TFPI: variants seen among roughly 807,000 people sequenced by gnomAD.
TFPI encodes the protein tissue factor pathway inhibitor.
A neutral mutation model predicts 34.6 loss-of-function variants in TFPI; 15 were observed. The ratio of observed to expected loss-of-function variants is 0.43; its 90% CI spans 0.29 to 0.67. The LOEUF (loss-of-function observed/expected upper bound fraction) is 0.67, where lower values mean the gene tolerates loss of function less well. Among genes scored for constraint, TFPI ranks in the 30% least tolerant of loss-of-function variants. TFPI has a pLI of 0.15. For missense variants in TFPI, 301 were observed against 364.0 expected (o/e 0.83, Z 1.41); for synonymous variants, 105 against 120.1 (o/e 0.87, Z 0.82).
chr2:187,466,915 T>A lies in TFPI; in HGVS notation c.*21A>T. Reference sequence around the variant, plus strand: ...CATATAAAATATTTAGTAGAATTAATGTTACATTGCTATAACAAATTCACA... The same window carrying A: ...CATATAAAATATTTAGTAGAATTAAAGTTACATTGCTATAACAAATTCACA... On this transcript the variant is annotated 3_prime_UTR_variant, in exon 8 of 8. Coordinates refer to ENST00000233156, the MANE Select transcript of TFPI (RefSeq NM_006287.6). 7.9e-7 allele frequency: 1 copy of A among 1,260,196 alleles called. No individual in the cohort carries two copies. The highest frequency in any genetic ancestry group is 1.1e-6 in the Non-Finnish European group (1 of 884,156). The allele number at this position is 1,260,196 out of a possible 1,614,324, so 78.1% of individuals were successfully genotyped here. A position where few individuals can be genotyped will look rare whatever the true frequency, so the allele number is the denominator to read the frequency against.
chr2:187,478,021 T>C (rs906385461), intron 6 of TFPI, among the ~76,000 whole-genome samples: 1 of 152,148 alleles, frequency 6.6e-6, no homozygotes, highest in Non-Finnish European at 1.5e-5. Context: ...GCAGTAGCTT[T>C]TTAAGTCTAC....
At chr2:187,483,638 A>G (rs879831482) in intron 6 of TFPI, among the ~76,000 whole-genome samples, 1 of 152,028 alleles carries the variant, frequency 6.6e-6, no homozygotes, top group South Asian at 2.1e-4. Context: ...GCAGAATTCA[A>G]AAGAAAATTC....
At chr2:187,503,312 A>C (rs1465638846) in intron 2 of TFPI, among the ~76,000 whole-genome samples, 1 of 152,086 alleles carries the variant, frequency 6.6e-6, no homozygotes, top group African/African-American at 2.4e-5. Flanking sequence ...GGTAGCATCA[A>C]ATGTCATAGG....
intron 1 of TFPI, among the ~76,000 whole-genome samples, chr2:187,510,240 C>A (rs947393171): frequency 2.6e-5 from 4 of 152,232 alleles, no homozygotes; most frequent in African/African-American, 7.2e-5. Context: ...CTATAACTTA[C>A]ATCTGTTCTG....
At chr2:187,489,402 AT>A (rs766118941) in intron 3 of TFPI, among the ~76,000 whole-genome samples, 7 of 140,208 alleles carry the variant, frequency 5.0e-5, no homozygotes, top group Non-Finnish European at 7.9e-5. Flanking sequence ...GTGTGTGTAT[AT>A]GTATAGCTGT....
intron 1 of TFPI, chr2:187,526,773 A>ATT (rs1687700815): frequency 1.3e-5 from 2 of 152,136 alleles, no homozygotes. Flanking sequence ...TTAATCTCTA[A>ATT]GCTCAATGAG....
chr2:187,516,530 A>C (rs1687014505), intron 1 of TFPI: 1 of 152,180 alleles, frequency 6.6e-6, no homozygotes, highest in African/African-American at 2.4e-5. Flanking sequence ...ATGAATCACT[A>C]TTGATCTGTC....
intron 1 of TFPI, chr2:187,527,001 C>T (rs1231443515): frequency 1.3e-5 from 2 of 152,342 alleles, no homozygotes; most frequent in South Asian, 2.1e-4. Flanking sequence ...GGGGCCTACC[C>T]TTCTGTCCAC....
intron 1 of TFPI, among the ~76,000 whole-genome samples, chr2:187,538,501 T>G (rs1227434935): frequency 6.6e-6 from 1 of 152,076 alleles, no homozygotes; most frequent in Non-Finnish European, 1.5e-5. Flanking sequence ...AACCAAACAC[T>G]GCATGTTCTC....
chr2:187,525,351 T>G (rs1046231550), intron 1 of TFPI, among the ~76,000 whole-genome samples: 2 of 152,124 alleles, frequency 1.3e-5, no homozygotes, highest in Non-Finnish European at 2.9e-5. Flanking sequence ...TCCAGCATCA[T>G]CTGGAAAGCA....
intron 1 of TFPI, among the ~76,000 whole-genome samples, chr2:187,543,005 TAACTG>T (rs1207341088): frequency 7.2e-5 from 11 of 152,178 alleles, no homozygotes; most frequent in Non-Finnish European, 1.3e-4. Flanking sequence ...TGGATTTTGT[TAACTG>T]GACAGAGATA....
intron 1 of TFPI, among the ~76,000 whole-genome samples, chr2:187,511,281 G>A (rs911747034): frequency 2.6e-5 from 4 of 152,188 alleles, no homozygotes; most frequent in African/African-American, 9.7e-5. Flanking sequence ...CACCCACGGC[G>A]TGTCTGTACC....
Position 187,552,943 on chromosome 2 carries a change from T to C in TFPI, c.-3+1257A>G, listed in dbSNP as rs1399198183. Among the ~76,000 whole-genome samples the C allele has an allele frequency of 2.0e-5, 3 of 152,208 alleles. No homozygotes were observed. In the East Asian group the frequency reaches 5.8e-4, roughly 29 times the overall value. Reference sequence around the variant, plus strand: ...ATTTACATTAATATTTTTCAATCTTTGTTGATCCCTAATTATATTTCATAT... The same window carrying C: ...ATTTACATTAATATTTTTCAATCTTCGTTGATCCCTAATTATATTTCATAT... On this transcript the variant is annotated intron_variant, in intron 1 of 7. Coordinates refer to ENST00000233156, the MANE Select transcript of TFPI (RefSeq NM_006287.6).
chr2:187,534,012 A>G (rs1477933241), intron 1 of TFPI, among the ~76,000 whole-genome samples: 1 of 152,184 alleles, frequency 6.6e-6, no homozygotes, highest in Admixed American at 6.5e-5. Context: ...AGACAAGATT[A>G]GAGAAAAAAA....
intron 1 of TFPI, among the ~76,000 whole-genome samples, chr2:187,529,139 T>A (rs566717528): frequency 6.6e-6 from 1 of 152,246 alleles, no homozygotes; most frequent in African/African-American, 2.4e-5. Flanking sequence ...GATGAACTAG[T>A]CCAGGTTTGA....
intron 1 of TFPI, among the ~76,000 whole-genome samples, chr2:187,511,818 C>CAG (rs546014387): frequency 6.7e-6 from 1 of 149,690 alleles, no homozygotes; most frequent in South Asian, 2.1e-4. Flanking sequence ...GAAAGACCAG[C>CAG]AGAGAGAGAG....
intron 1 of TFPI, chr2:187,516,216 G>A (rs1160622594): frequency 1.3e-5 from 2 of 152,156 alleles, no homozygotes; most frequent in South Asian, 4.1e-4. Context: ...GTAGTCTGTG[G>A]AAAATTTAAC....
intron 1 of TFPI, among the ~76,000 whole-genome samples, chr2:187,535,777 A>G (rs1688216243): frequency 6.6e-6 from 1 of 152,208 alleles, no homozygotes; most frequent in Non-Finnish European, 1.5e-5. Flanking sequence ...AACTTCAAAA[A>G]ATCACTGAAT....
intron 1 of TFPI, among the ~76,000 whole-genome samples, chr2:187,522,591 C>T (rs865952671): frequency 6.6e-6 from 1 of 151,450 alleles, no homozygotes; most frequent in African/African-American, 2.4e-5. Flanking sequence ...AAAACGAAAA[C>T]AAAATAAAAA....
Sources: gnomAD v4.1 joint callset for allele counts (sites outside exome capture counted in the v4.1 genomes callset) on GRCh38, gnomAD v4.1.1 for gene constraint, MANE v1.5 for transcripts, NCBI Gene and HGNC (gene_info 2026-07-23, HGNC 2026-07-21) for gene names.